The following HECW1 variants were observed in gnomAD, a reference collection of about 807,000 sequenced individuals.
HECW1 encodes E3 ubiquitin-protein ligase HECW1.
Under a neutral mutation model 182.3 loss-of-function variants are expected in HECW1, and 61 were observed. The ratio of observed to expected loss-of-function variants is 0.33; its 90% CI spans 0.27 to 0.41. The LOEUF is 0.41. Ranked by LOEUF, HECW1 falls within the 10% of genes least tolerant of loss-of-function variation. HECW1 has a pLI of 1.00. For synonymous variants in HECW1, 859 were observed against 832.6 expected (o/e 1.03, Z -0.55); for missense variants, 1,739 against 2,108.9 (o/e 0.82, Z 3.44).
intron 2 of HECW1, among the ~76,000 whole-genome samples, chr7:43,140,370 C>G (rs1788030314): frequency 1.3e-5 from 2 of 152,092 alleles, no homozygotes; most frequent in African/African-American, 2.4e-5. Context: ...GCGACTGTGC[C>G]CCCTCGTAAG....
chr7:43,278,427 C>G (rs1347912482), intron 3 of HECW1, among the ~76,000 whole-genome samples: 1 of 152,148 alleles, frequency 6.6e-6, no homozygotes. Flanking sequence ...GGCAGCTCCC[C>G]CATCACTGCA....
intron 2 of HECW1, among the ~76,000 whole-genome samples, chr7:43,131,178 AT>A (rs1227915481): frequency 6.6e-6 from 1 of 152,202 alleles, no homozygotes; most frequent in Non-Finnish European, 1.5e-5. Flanking sequence ...AGGCAGGAGA[AT>A]TGCTTGAACC....
chr7:43,217,341 TC>T (rs903942412), intron 2 of HECW1, among the ~76,000 whole-genome samples: 1 of 152,232 alleles, frequency 6.6e-6, no homozygotes, highest in Non-Finnish European at 1.5e-5. Context: ...CACTTTGGGT[TC>T]CAGCTAAATG....
chr7:43,200,705 G>T (rs1295077528), intron 2 of HECW1, among the ~76,000 whole-genome samples: 1 of 152,212 alleles, frequency 6.6e-6, no homozygotes, highest in Non-Finnish European at 1.5e-5. Flanking sequence ...AGCTCTTGCA[G>T]GAGCAATTTG....
At chr7:43,293,176 T>C (rs1053219255) in intron 3 of HECW1, among the ~76,000 whole-genome samples, 7 of 135,360 alleles carry the variant, frequency 5.2e-5, no homozygotes, top group Non-Finnish European at 1.1e-4. Flanking sequence ...GCCGAGATTG[T>C]GCCACTGCGC....
chr7:43,525,824 T>A (rs1392761839), intron 24 of HECW1, among the ~76,000 whole-genome samples: 1 of 152,180 alleles, frequency 6.6e-6, no homozygotes, highest in Non-Finnish European at 1.5e-5. Flanking sequence ...TGAGAGCAGA[T>A]CAGCCTTGGG....
chr7:43,368,190 A>G (rs1278724809), intron 6 of HECW1, among the ~76,000 whole-genome samples: 1 of 152,168 alleles, frequency 6.6e-6, no homozygotes, highest in African/African-American at 2.4e-5. Flanking sequence ...TGTAGCGGGG[A>G]GACAGACAAG....
chr7:43,149,198 C>T (rs1404236087), intron 2 of HECW1, among the ~76,000 whole-genome samples: 1 of 152,030 alleles, frequency 6.6e-6, no homozygotes, highest in Non-Finnish European at 1.5e-5. Context: ...GTTAGAGCAG[C>T]GACCCCCTTA....
At chr7:43,388,864 G>A (rs922698931) in intron 6 of HECW1, among the ~76,000 whole-genome samples, 1 of 152,188 alleles carries the variant, frequency 6.6e-6, no homozygotes, top group Non-Finnish European at 1.5e-5. Context: ...GTGCCAGTGG[G>A]TGCCTCTTGA....
At chr7:43,547,408 G>A (rs1360365572) in intron 26 of HECW1, among the ~76,000 whole-genome samples, 5 of 152,112 alleles carry the variant, frequency 3.3e-5, no homozygotes, top group African/African-American at 1.2e-4. Flanking sequence ...TTAACCAGGT[G>A]TGGTGGCACG....
At chr7:43,481,611 A>G (rs139027899) in intron 17 of HECW1, among the ~76,000 whole-genome samples, 1 of 152,334 alleles carries the variant, frequency 6.6e-6, no homozygotes, top group African/African-American at 2.4e-5. Context: ...AATAGCCCAA[A>G]TAGAGTTAAT....
chr7:43,222,950 C>T (rs1325092956), intron 2 of HECW1, among the ~76,000 whole-genome samples: 1 of 152,156 alleles, frequency 6.6e-6, no homozygotes, highest in Admixed American at 6.5e-5. Context: ...TTCTTGAATG[C>T]CAGACTTGTT....
intron 9 of HECW1, among the ~76,000 whole-genome samples, chr7:43,442,032 C>G (rs2076905069): frequency 1.3e-5 from 2 of 152,242 alleles, no homozygotes; most frequent in Admixed American, 1.3e-4. Context: ...CGATACACAA[C>G]ACGATACTTT....
At chr7:43,207,833 C>A (rs1795629193) in intron 2 of HECW1, 1 of 152,182 alleles carries the variant, frequency 6.6e-6, no homozygotes, top group Non-Finnish European at 1.5e-5. Flanking sequence ...TCTTACTGTT[C>A]CAATTCTGGC....
intron 3 of HECW1, among the ~76,000 whole-genome samples, chr7:43,308,134 AATATATTATATT>A (rs1354855170): frequency 2.9e-5 from 3 of 103,730 alleles, no homozygotes; most frequent in East Asian, 2.2e-4. Context: ...ATTTATATAT[AATATATTATATT>A]ATATATTATA....
chr7:43,266,581 G>A (rs1040670468), intron 3 of HECW1, among the ~76,000 whole-genome samples: 11 of 152,206 alleles, frequency 7.2e-5, no homozygotes, highest in African/African-American at 1.4e-4. Context: ...TGATCCACCC[G>A]CCTCGGCCTC....
At chr7:43,140,040 G>T (rs1422670562) in intron 2 of HECW1, among the ~76,000 whole-genome samples, 1 of 152,058 alleles carries the variant, frequency 6.6e-6, no homozygotes, top group Non-Finnish European at 1.5e-5. Context: ...TTTGCAATGT[G>T]AATATTATTA....
intron 27 of HECW1, among the ~76,000 whole-genome samples, chr7:43,551,983 G>T (rs987186351): frequency 6.6e-6 from 1 of 151,994 alleles, no homozygotes; most frequent in Non-Finnish European, 1.5e-5. Context: ...CCCCCCAAAG[G>T]CCCCACCTCC....
intron 2 of HECW1, among the ~76,000 whole-genome samples, chr7:43,156,249 C>T (rs1014329478): frequency 7.9e-5 from 12 of 152,134 alleles, no homozygotes; most frequent in African/African-American, 2.4e-4. Flanking sequence ...ATTAAGTGTT[C>T]GTCAGCTTCA....
Sources: gnomAD v4.1 joint callset for allele counts (sites outside exome capture counted in the v4.1 genomes callset) on GRCh38, gnomAD v4.1.1 for gene constraint, MANE v1.5 for transcripts, NCBI Gene and HGNC (gene_info 2026-07-23, HGNC 2026-07-21) for gene names.